MAGI2: variants seen among roughly 807,000 people sequenced by gnomAD.
MAGI2 encodes membrane-associated guanylate kinase, WW and PDZ domain-containing protein 2.
A neutral mutation model predicts 133.3 loss-of-function variants in MAGI2; 35 were observed. That is an observed-to-expected ratio of 0.26 (90% confidence interval 0.20 to 0.35). The LOEUF (loss-of-function observed/expected upper bound fraction) is 0.35. Ranked by LOEUF, MAGI2 falls within the 10% of genes least tolerant of loss-of-function variation. The pLI is 1.00. For synonymous variants in MAGI2, 729 were observed against 710.6 expected (o/e 1.03, Z -0.41); for missense variants, 1,636 against 1,863.4 (o/e 0.88, Z 2.25).
chr7:78,980,969 T>C (rs1804733192), intron 2 of MAGI2, among the ~76,000 whole-genome samples: 1 of 151,714 alleles, frequency 6.6e-6, no homozygotes, highest in Non-Finnish European at 1.5e-5. Flanking sequence ...AGATTTTATT[T>C]CATAATCTTC....
At chr7:79,057,561 C>G (rs138504556) in intron 1 of MAGI2, among the ~76,000 whole-genome samples, 93 of 152,282 alleles carry the variant, frequency 6.1e-4, no homozygotes, top group African/African-American at 2.2e-3. Flanking sequence ...CTCAGGTTGT[C>G]TCAGCCTAGA....
chr7:79,195,560 C>T (rs1562983148), intron 1 of MAGI2, among the ~76,000 whole-genome samples: 2 of 151,928 alleles, frequency 1.3e-5, no homozygotes, highest in African/African-American at 2.4e-5. Context: ...CAATTACCAA[C>T]TCAAACTTCA....
intron 6 of MAGI2, among the ~76,000 whole-genome samples, chr7:78,469,745 C>G (rs1445897314): frequency 6.6e-6 from 1 of 152,096 alleles, no homozygotes; most frequent in Admixed American, 6.6e-5. Context: ...GGATGAGATT[C>G]CTGATATTCC....
chr7:78,108,731 CACACACATATGTGAGTGTATATACGTGA>C, intron 20 of MAGI2, among the ~76,000 whole-genome samples: 2 of 125,856 alleles, frequency 1.6e-5, no homozygotes, highest in Admixed American at 8.0e-5. Context: ...TGTGTGTATA[CACACACATATGTGAGTGTATATACGTGA>C]GTGTGTGTAT....
chr7:78,217,672 C>G (rs972363496), intron 10 of MAGI2, among the ~76,000 whole-genome samples: 10 of 152,172 alleles, frequency 6.6e-5, no homozygotes. Context: ...CTCTCTGACT[C>G]CAGGTCTAGA....
chr7:78,874,882 C>T (rs188756394), intron 2 of MAGI2, among the ~76,000 whole-genome samples: 100 of 152,124 alleles, frequency 6.6e-4, no homozygotes, highest in Admixed American at 1.2e-3. Flanking sequence ...ACATTCTACC[C>T]CATAAACATG....
chr7:78,280,826 T>C (rs1288807624), intron 9 of MAGI2, among the ~76,000 whole-genome samples: 1 of 120,586 alleles, frequency 8.3e-6, no homozygotes, highest in Non-Finnish European at 1.6e-5. Context: ...AATTGCCTTT[T>C]AACTTGATCT....
At chr7:78,020,950 A>G (rs982987296) in intron 21 of MAGI2, among the ~76,000 whole-genome samples, 1 of 152,200 alleles carries the variant, frequency 6.6e-6, no homozygotes, top group Non-Finnish European at 1.5e-5. Context: ...GTCTAGTTCC[A>G]ACATTTACTT....
chr7:79,228,354 C>CAAAAA lies in MAGI2; in HGVS notation c.302-221153_302-221149dup, dbSNP rs746424350. Among the ~76,000 whole-genome samples, 83 of 31,436 alleles carry CAAAAA rather than the reference C, an allele frequency of 2.6e-3. 9 individuals carry two copies. Among genetic ancestry groups the CAAAAA allele is most frequent in the Admixed American group, 5.2e-3 (10 of 1,914 alleles). 20.6% of individuals were successfully genotyped at this position (31,436 alleles called of 152,430 possible). On this transcript the variant is annotated intron_variant, in intron 1 of 21. Transcript: ENST00000354212. ...CAAGACCCTGTCTCAAAAAAACAGG[C>CAAAAA]AAAAAAAAAAAAAAAAGATCGTGGG...
At chr7:78,312,643 A>T (rs1049215722) in intron 9 of MAGI2, among the ~76,000 whole-genome samples, 1 of 152,184 alleles carries the variant, frequency 6.6e-6, no homozygotes, top group Non-Finnish European at 1.5e-5. Context: ...GGGAAATGCA[A>T]ATGTTGGTGA....
rs375022227 is a variant in MAGI2 at position 79,358,094 on chromosome 7, T to C, written c.301+94926A>G. ...AAGAAATGTATTATTAATGAGCTAC[T>C]AGGTCCCTACATTAAAAAAAAAGAA... On this transcript the variant is annotated intron_variant, in intron 1 of 21. Transcript: ENST00000354212. Among the ~76,000 whole-genome samples, 16 of 152,110 alleles carry C rather than the reference T, an allele frequency of 1.1e-4. No individual in the cohort carries two copies. In the South Asian group the frequency reaches 3.1e-3, roughly 30 times the overall value.
intron 2 of MAGI2, among the ~76,000 whole-genome samples, chr7:78,825,562 C>G (rs1390312432): frequency 6.6e-6 from 1 of 151,986 alleles, no homozygotes; most frequent in Non-Finnish European, 1.5e-5. Flanking sequence ...TGAAGGATTA[C>G]AAAATTAGAG....
chr7:79,368,740 T>C (rs899916506), intron 1 of MAGI2, among the ~76,000 whole-genome samples: 9 of 146,528 alleles, frequency 6.1e-5, no homozygotes, highest in South Asian at 2.2e-4. Context: ...CCCAGCTACT[T>C]GGGAGGCTGA....
intron 3 of MAGI2, chr7:78,615,683 T>G (rs1176060032): frequency 2.0e-5 from 3 of 152,230 alleles, no homozygotes; most frequent in Non-Finnish European, 4.4e-5. Context: ...AGAAAACTCA[T>G]TGGAAAATTT....
At chr7:79,056,832 T>A (rs185864548) in intron 1 of MAGI2, among the ~76,000 whole-genome samples, 45 of 152,340 alleles carry the variant, frequency 3.0e-4, no homozygotes, top group African/African-American at 1.0e-3. Context: ...ATGCAATCAC[T>A]TTCAAATCCA....
At chr7:78,897,434 G>C (rs938358414) in intron 2 of MAGI2, among the ~76,000 whole-genome samples, 4 of 152,162 alleles carry the variant, frequency 2.6e-5, no homozygotes, top group Non-Finnish European at 5.9e-5. Context: ...TGGTGTGCTA[G>C]AGTCAGCTGA....
intron 2 of MAGI2, among the ~76,000 whole-genome samples, chr7:79,003,556 C>A (rs183052860): frequency 7.2e-5 from 11 of 152,168 alleles, no homozygotes; most frequent in Admixed American, 5.2e-4. Flanking sequence ...TCATGAAAAC[C>A]AATGAGAATT....
At chr7:78,233,343 C>T (rs763856738) in intron 10 of MAGI2, among the ~76,000 whole-genome samples, 13 of 151,992 alleles carry the variant, frequency 8.6e-5, no homozygotes, top group Admixed American at 1.3e-4. Context: ...ATGAGCGTCC[C>T]GGAAGCCACG....
At chr7:79,100,727 C>T (rs992074048) in intron 1 of MAGI2, among the ~76,000 whole-genome samples, 1 of 151,348 alleles carries the variant, frequency 6.6e-6, no homozygotes, top group African/African-American at 2.4e-5. Context: ...TTCTTTTGAG[C>T]TGTTCATGTT....
Sources: allele counts gnomAD v4.1 joint callset (sites outside exome capture counted in the v4.1 genomes callset), GRCh38; gene constraint gnomAD v4.1.1; transcripts MANE v1.5; gene names NCBI Gene and HGNC (gene_info 2026-07-23, HGNC 2026-07-21).